AACS: variants seen among roughly 807,000 people sequenced by gnomAD.
AACS encodes acetoacetyl-CoA synthetase, also known as acetoacetate-CoA ligase.
AACS carries 69 observed loss-of-function variants against 83.1 expected under a neutral mutation model. The observed-to-expected ratio is 0.83, with a 90% CI of 0.68 to 1.01. The LOEUF (loss-of-function observed/expected upper bound fraction) is 1.01, where lower values mean the gene tolerates loss of function less well. Ranked by LOEUF, AACS falls within the 50% of genes least tolerant of loss-of-function variation. The pLI, the probability that AACS is intolerant of heterozygous loss-of-function variation, is 0.00. For synonymous variants in AACS, 333 were observed against 343.4 expected (o/e 0.97, Z 0.33); for missense variants, 866 against 882.2 (o/e 0.98, Z 0.23).
In AACS at chr12:125,117,454, C is replaced by T. The variant is rs186538705; in HGVS notation, c.997-1187C>T. 2.8e-3 allele frequency: 420 copies of T among 152,246 alleles called. 3 individuals are homozygous for T. The highest frequency in any genetic ancestry group is 0.01 in the Middle Eastern group (3 of 294). The allele number at this position is 152,246 out of a possible 1,614,324, so 9.4% of individuals were successfully genotyped here. On this transcript the variant is annotated intron_variant, in intron 9 of 17. Coordinates refer to ENST00000316519, the MANE Select transcript of AACS (RefSeq NM_023928.5). ...GTTTCTCCATAGAGACCAGGTCTCA[C>T]TGTGTTACCCAGGCTGGTCTCAACC...
chr12:125,124,621 C>G, intron 10 of AACS, 84 bp from the exon 11 acceptor site: 1 of 1,550,314 alleles, frequency 6.5e-7, no homozygotes, highest in Non-Finnish European at 8.8e-7. Context: ...GCAAACTTGT[C>G]AGAAATAAAT....
At chr12:125,104,387 G>A (rs922696803) in intron 7 of AACS, among the ~76,000 whole-genome samples, 1 of 152,192 alleles carries the variant, frequency 6.6e-6, no homozygotes, top group Admixed American at 6.5e-5. Flanking sequence ...CGTCTGTCAG[G>A]GTGTTCTCAG....
intron 9 of AACS, among the ~76,000 whole-genome samples, chr12:125,115,260 G>GTTTTT (rs1160254486): frequency 7.5e-6 from 1 of 132,918 alleles, no homozygotes; most frequent in Non-Finnish European, 1.6e-5. Context: ...TCTGTGCTGA[G>GTTTTT]TTTTTTTTTT....
intron 9 of AACS, among the ~76,000 whole-genome samples, chr12:125,116,785 G>A (rs920329551): frequency 6.6e-6 from 1 of 152,100 alleles, no homozygotes; most frequent in Non-Finnish European, 1.5e-5. Flanking sequence ...GGTTCTAACA[G>A]CAGCCTTGGT....
At chr12:125,136,462 G>A (rs1957401733) in intron 16 of AACS, among the ~76,000 whole-genome samples, 200 bp from the exon 17 acceptor site, 1 of 151,984 alleles carries the variant, frequency 6.6e-6, no homozygotes, top group Non-Finnish European at 1.5e-5. Context: ...CCAGTGATGG[G>A]TTTTCTTCCG....
chr12:125,073,101 T>G (rs992717937), intron 1 of AACS, among the ~76,000 whole-genome samples: 1 of 152,056 alleles, frequency 6.6e-6, no homozygotes, highest in Non-Finnish European at 1.5e-5. Flanking sequence ...TAATTTTTTT[T>G]GTATTTTTAG....
In AACS at chr12:125,136,667, T is replaced by G. The variant is rs1257960554; in HGVS notation, c.1684T>G (p.Ser562Ala). ...ACCCTCTCCTGTCTCCACAGTGGAA[T>G]CCTTCGAGGAGGTGGAGGACAGCCT... The part of the protein sequence containing the change: ...GSSEIYNIVE[S>A]FEEVEDSLCV... The change falls in exon 17 of 18, where the codon TCC (serine) becomes GCC (alanine). Residue 562 changes from serine to alanine, a missense_variant. By Grantham distance (99) the Ser-to-Ala change is moderately conservative. Transcript: ENST00000316519. 1 of 1,613,484 alleles carries G rather than the reference T, an allele frequency of 6.2e-7. No homozygotes were observed. Among genetic ancestry groups the G allele is most frequent in the Admixed American group, 1.7e-5 (1 of 60,002 alleles).
chr12:125,114,777 A>G (rs1010736983), intron 9 of AACS, among the ~76,000 whole-genome samples: 1 of 149,602 alleles, frequency 6.7e-6, no homozygotes, highest in Non-Finnish European at 1.5e-5. Context: ...CCCGTGGCAC[A>G]TGTTAAGGGC....
Position 125,113,687 on chromosome 12 carries a change from G to T in AACS, c.916-790G>T, listed in dbSNP as rs1956994960. Among the ~76,000 whole-genome samples the T allele has an allele frequency of 6.6e-6, 1 of 152,216 alleles. No homozygotes were observed. The highest frequency in any genetic ancestry group is 2.4e-5 in the African/African-American group (1 of 41,446). ...GAAAAGGCAAAGTGCGGGACACTGT[G>T]TCACAATGAACAAAATGGCATTAAT... is the stretch of plus-strand genomic sequence containing the variant. On this transcript the variant is annotated intron_variant, in intron 8 of 17. Transcript: ENST00000316519. The surrounding 1 kb of genome is among the most constrained non-coding windows in gnomAD (Gnocchi z 4.8).
chr12:125,142,400 G>C lies in AACS; in HGVS notation c.*171G>C. On this transcript the variant is annotated 3_prime_UTR_variant, in exon 18 of 18. Transcript: ENST00000316519. ...TTTTGTTAAATCTGGTGGGTACCTG[G>C]ATCTTCCACACGAGTGGGATTCTGG... 1 of 918,030 alleles carries C rather than the reference G, an allele frequency of 1.1e-6. No individual in the cohort carries two copies. Among genetic ancestry groups the C allele is most frequent in the South Asian group, 1.8e-5 (1 of 55,714 alleles). 56.9% of individuals were successfully genotyped at this position (918,030 alleles called of 1,614,324 possible). A position where few individuals can be genotyped will look rare whatever the true frequency, so the allele number is the denominator to read the frequency against.
chr12:125,065,465 G>A lies in AACS; in HGVS notation c.-120G>A. On this transcript the variant is annotated 5_prime_UTR_variant, in exon 1 of 18. Coordinates refer to ENST00000316519, the MANE Select transcript of AACS (RefSeq NM_023928.5). ...CTTGTTCCCCGCCGCCGCCGTCGCT[G>A]ACCCAGCCCGCCAGGCGCTCCTGAC... The A allele has an allele frequency of 1.7e-6, 2 of 1,144,942 alleles. No homozygotes were observed. The highest frequency in any genetic ancestry group is 2.3e-6 in the Non-Finnish European group (2 of 873,106). 70.9% of individuals were successfully genotyped at this position (1,144,942 alleles called of 1,614,324 possible).
intron 7 of AACS, among the ~76,000 whole-genome samples, chr12:125,104,176 G>A (rs767165576): frequency 2.0e-4 from 30 of 152,098 alleles, no homozygotes; most frequent in South Asian, 4.2e-4. Flanking sequence ...TTACCCCCAC[G>A]GGGTAAGCTT....
intron 5 of AACS, chr12:125,092,544 G>GCATCAGGC (rs1360853579): frequency 6.6e-6 from 1 of 152,420 alleles, no homozygotes; most frequent in Non-Finnish European, 1.5e-5. Context: ...GGCCAGCCGT[G>GCATCAGGC]CATCAGGCCG....
rs373917820 is a variant in AACS at position 125,131,182 on chromosome 12, A to G, written c.1549+1722A>G. ...TAGTAAGTGAAAATGAGAGTTTAAG[A>G]ACAGAGGACATAGCATCCCTTTGGT... is the stretch of plus-strand genomic sequence containing the variant. On this transcript the variant is annotated intron_variant, in intron 14 of 17. Coordinates refer to ENST00000316519, the MANE Select transcript of AACS (RefSeq NM_023928.5). Among the ~76,000 whole-genome samples, 5 of 152,278 alleles carry G rather than the reference A, an allele frequency of 3.3e-5. No individual in the cohort carries two copies. In the East Asian group the frequency reaches 9.7e-4, roughly 29 times the overall value.
intron 17 of AACS, among the ~76,000 whole-genome samples, chr12:125,137,424 C>T (rs1957416609): frequency 6.6e-6 from 1 of 152,324 alleles, no homozygotes; most frequent in South Asian, 2.1e-4. Context: ...TCAAGTGATC[C>T]GCCCACCTCA....
intron 8 of AACS, among the ~76,000 whole-genome samples, chr12:125,112,344 C>T (rs1438642434): frequency 6.6e-6 from 1 of 152,106 alleles, no homozygotes. Flanking sequence ...TGGGGGACTG[C>T]AGAAAAGGGC....
chr12:125,109,944 C>T (rs1956916366), intron 8 of AACS, among the ~76,000 whole-genome samples: 1 of 151,850 alleles, frequency 6.6e-6, no homozygotes. Flanking sequence ...CGGGGGGATA[C>T]AACGTTAGTG....
At chr12:125,089,893 C>T (rs1436833742) in intron 4 of AACS, among the ~76,000 whole-genome samples, 1 of 151,984 alleles carries the variant, frequency 6.6e-6, no homozygotes, top group African/African-American at 2.4e-5. Flanking sequence ...TCTCCATCTA[C>T]CCATTTACCC....
intron 9 of AACS, 32 bp downstream of exon 9, chr12:125,114,589 A>G (rs1460074470): frequency 3.1e-6 from 5 of 1,591,100 alleles, no homozygotes; most frequent in South Asian, 1.1e-5. Context: ...GGCCTGTGCT[A>G]TACCACAATA....
Sources: gnomAD v4.1 joint callset for allele counts (sites outside exome capture counted in the v4.1 genomes callset) on GRCh38, gnomAD v4.1.1 for gene constraint, Gnocchi (gnomAD v3.1) non-coding constraint, MANE v1.5 for transcripts, NCBI Gene and HGNC (gene_info 2026-07-23, HGNC 2026-07-21) for gene names.